The following EXOC4 variants were observed in gnomAD, a reference collection of about 807,000 sequenced individuals.
The protein encoded by EXOC4 is exocyst complex component 4.
EXOC4 carries 71 observed loss-of-function variants against 107.2 expected under a neutral mutation model. The ratio of observed to expected loss-of-function variants is 0.66; its 90% confidence interval spans 0.55 to 0.81. The LOEUF is 0.81. Ranked by LOEUF, EXOC4 falls within the 30% of genes least tolerant of loss-of-function variation. The probability of loss-of-function intolerance (pLI) is 0.00; values close to 1 mark genes in which losing one functional copy is unlikely to be tolerated. For synonymous variants in EXOC4, 456 were observed against 441.2 expected (o/e 1.03, Z -0.42); for missense variants, 1,108 against 1,189.6 (o/e 0.93, Z 1.01).
chr7:133,801,296 T>C (rs1796936726), intron 10 of EXOC4, among the ~76,000 whole-genome samples: 1 of 152,220 alleles, frequency 6.6e-6, no homozygotes, highest in Admixed American at 6.5e-5. Flanking sequence ...GAATGAAATC[T>C]ACCTTCAATT....
At chr7:133,343,889 C>A (rs1795724308) in intron 5 of EXOC4, among the ~76,000 whole-genome samples, 1 of 151,464 alleles carries the variant, frequency 6.6e-6, no homozygotes, top group Non-Finnish European at 1.5e-5. Flanking sequence ...TCATACCTCT[C>A]TGCAGCCTTG....
rs201547350 is a variant in EXOC4, at chr7:133,562,145, AC to A, written c.1418-67899del. 4.0e-3 allele frequency among the ~76,000 whole-genome samples: 609 copies of A among 152,304 alleles called. 2 individuals are homozygous for A. Among genetic ancestry groups the A allele is most frequent in the Non-Finnish European group, 6.4e-3 (432 of 68,020 alleles). ...TGAAGTTTCTAAGAACCTATAGAGG[AC>A]ATTAAGTGAAGAACTTGTTGCATTT... On this transcript the variant is annotated intron_variant, in intron 9 of 17. Transcript: ENST00000253861.
At chr7:133,541,636 A>AC (rs1328590909) in intron 9 of EXOC4, among the ~76,000 whole-genome samples, 1 of 151,888 alleles carries the variant, frequency 6.6e-6, no homozygotes, top group Non-Finnish European at 1.5e-5. Flanking sequence ...AGTAGCTGAG[A>AC]CTACAGGCAG....
At chr7:133,299,053 T>C (rs1794585478) in intron 3 of EXOC4, among the ~76,000 whole-genome samples, 1 of 152,188 alleles carries the variant, frequency 6.6e-6, no homozygotes, top group African/African-American at 2.4e-5. Flanking sequence ...GCAAACACTT[T>C]GCATGGAAAA....
intron 9 of EXOC4, among the ~76,000 whole-genome samples, chr7:133,505,006 T>C (rs1025251778): frequency 6.6e-6 from 1 of 152,000 alleles, no homozygotes; most frequent in Non-Finnish European, 1.5e-5. Context: ...AGGTCGGAGA[T>C]TGAAATGTTG....
At chr7:133,699,212 A>G (rs940875555) in intron 10 of EXOC4, among the ~76,000 whole-genome samples, 1 of 152,158 alleles carries the variant, frequency 6.6e-6, no homozygotes, top group Non-Finnish European at 1.5e-5. Context: ...CTCCTGGAGC[A>G]AATTGGTTTG....
intron 10 of EXOC4, among the ~76,000 whole-genome samples, chr7:133,699,304 T>C (rs1394817208): frequency 1.3e-5 from 2 of 152,266 alleles, no homozygotes; most frequent in South Asian, 4.1e-4. Flanking sequence ...TCCCCCAGTC[T>C]GTACCTGCAA....
At chr7:133,375,856 A>G (rs1680884231) in intron 7 of EXOC4, among the ~76,000 whole-genome samples, 1 of 152,190 alleles carries the variant, frequency 6.6e-6, no homozygotes, top group African/African-American at 2.4e-5. Flanking sequence ...ATTGTATTAT[A>G]CTTTTTCTCC....
intron 10 of EXOC4, among the ~76,000 whole-genome samples, chr7:133,736,688 T>C (rs1205613041): frequency 1.3e-5 from 2 of 152,188 alleles, no homozygotes; most frequent in Non-Finnish European, 2.9e-5. Context: ...TTTGTCCTCT[T>C]TTGACTGGTC....
intron 13 of EXOC4, among the ~76,000 whole-genome samples, chr7:133,927,720 A>G (rs1384210826): frequency 3.9e-5 from 6 of 152,348 alleles, no homozygotes; most frequent in African/African-American, 1.4e-4. Context: ...AGAGTAAAAA[A>G]TGCTTTACTA....
At chr7:133,506,760 T>C (rs1799673822) in intron 9 of EXOC4, among the ~76,000 whole-genome samples, 1 of 152,148 alleles carries the variant, frequency 6.6e-6, no homozygotes, top group Non-Finnish European at 1.5e-5. Context: ...ATTTTAGATC[T>C]TAAAAATTTG....
At chr7:133,976,574 A>G (rs1793837321) in intron 14 of EXOC4, among the ~76,000 whole-genome samples, 1 of 152,184 alleles carries the variant, frequency 6.6e-6, no homozygotes. Flanking sequence ...AGCACATGGA[A>G]AAGAATATGA....
intron 3 of EXOC4, among the ~76,000 whole-genome samples, chr7:133,292,698 G>A (rs1282841400): frequency 6.6e-6 from 1 of 152,024 alleles, no homozygotes; most frequent in Non-Finnish European, 1.5e-5. Context: ...GTTTCCATAA[G>A]CTCATATGTT....
chr7:133,978,534 A>G (rs2001282), intron 14 of EXOC4, among the ~76,000 whole-genome samples: 105,976 of 151,922 alleles, frequency 0.7, 37,354 homozygotes, highest in East Asian at 0.91. Context: ...GAGAACAGAA[A>G]CCATTTTAGG....
chr7:133,913,279 A>G (rs1382358241), intron 12 of EXOC4, among the ~76,000 whole-genome samples: 1 of 152,212 alleles, frequency 6.6e-6, no homozygotes, highest in African/African-American at 2.4e-5. Flanking sequence ...TGCTAAGTCT[A>G]GCCTTGGTCT....
At chr7:133,328,893 G>A (rs1795312226) in intron 5 of EXOC4, among the ~76,000 whole-genome samples, 1 of 152,138 alleles carries the variant, frequency 6.6e-6, no homozygotes, top group Non-Finnish European at 1.5e-5. Context: ...ATGGTTATAT[G>A]TCTTGGGGTT....
At chr7:133,329,836 G>A (rs891889249) in intron 5 of EXOC4, among the ~76,000 whole-genome samples, 1 of 152,158 alleles carries the variant, frequency 6.6e-6, no homozygotes, top group Non-Finnish European at 1.5e-5. Context: ...GCCAGCCAGA[G>A]CTCTCCTTTA....
intron 10 of EXOC4, among the ~76,000 whole-genome samples, chr7:133,684,569 A>G (rs1422702587): frequency 6.6e-6 from 1 of 152,232 alleles, no homozygotes; most frequent in Non-Finnish European, 1.5e-5. Flanking sequence ...CCATAAAAAG[A>G]AAATGAAAGG....
At chr7:133,802,760 T>C (rs1024375481) in intron 10 of EXOC4, among the ~76,000 whole-genome samples, 2 of 51,066 alleles carry the variant, frequency 3.9e-5, no homozygotes, top group African/African-American at 8.1e-5. Context: ...GGCAGGAGTA[T>C]TGCTTGGACC....
Sources: gnomAD v4.1 joint callset for allele counts (sites outside exome capture counted in the v4.1 genomes callset) on GRCh38, gnomAD v4.1.1 for gene constraint, MANE v1.5 for transcripts, NCBI Gene and HGNC (gene_info 2026-07-23, HGNC 2026-07-21) for gene names.